VLDLR: variants seen among roughly 807,000 people sequenced by gnomAD.
VLDLR encodes the protein very low density lipoprotein receptor.
VLDLR carries 81 observed loss-of-function variants against 112.7 expected under a neutral mutation model. The observed-to-expected ratio is 0.72, with a 90% CI of 0.60 to 0.86. The LOEUF is 0.86. Ranked by LOEUF, VLDLR falls within the 40% of genes least tolerant of loss-of-function variation. VLDLR has a pLI of 0.00. For missense variants in VLDLR, 1,237 were observed against 1,099.4 expected (o/e 1.13, Z -1.77); for synonymous variants, 436 against 384.8 (o/e 1.13, Z -1.56).
At chr9:2,650,893 G>C (rs1361068251) in intron 15 of VLDLR, among the ~76,000 whole-genome samples, 1 of 152,084 alleles carries the variant, frequency 6.6e-6, no homozygotes, top group Non-Finnish European at 1.5e-5. Context: ...AGTGGGTGAC[G>C]CTACCCTAAA....
At chr9:2,646,609 C>G in intron 11 of VLDLR, 57 bp downstream of exon 11, 1 of 1,479,148 alleles carries the variant, frequency 6.8e-7, no homozygotes, top group Non-Finnish European at 9.4e-7. Context: ...AGGTCAGGAG[C>G]TTTCTCATAC....
At chr9:2,645,215 C>A in intron 9 of VLDLR, 133 bp downstream of exon 9, 1 of 1,348,682 alleles carries the variant, frequency 7.4e-7, no homozygotes, top group East Asian at 2.3e-5. Flanking sequence ...CCTCATAATA[C>A]AGCAGTATAG....
rs747654102 is a variant in VLDLR at position 2,648,347 on chromosome 9, G to C, written c.1962G>C (p.Glu654Asp). ...LAHPLALTIF[E>D]DRVYWIDGEN... is the part of the protein sequence containing the mutation. ...ATCCTCTTGCACTAACAATATTTGA[G>C]GTAAGATGTGTCTCACATCAAAGTG... Residue 654 changes from glutamate (E) to aspartate (D), a missense_variant and splice_region_variant, in exon 13 of 19, where the codon GAG becomes GAC. Transcript: ENST00000382100. 6.2e-7 allele frequency: 1 copy of C among 1,614,094 alleles called. No individual in the cohort carries two copies. The highest frequency in any genetic ancestry group is 1.1e-5 in the South Asian group (1 of 91,080).
rs1586666562 is a variant in VLDLR, at chr9:2,657,647, T to C, written c.*3779T>C. On this transcript the variant is annotated 3_prime_UTR_variant, in exon 19 of 19. Transcript: ENST00000382100. ...GCAATAGCAGCGATAGTTGCGTCAG[T>C]GCTAACTGCTGCTGCTGCCCGTTCT... 6.6e-6 allele frequency: 1 copy of C among 152,428 alleles called. No individual in the cohort carries two copies. Among genetic ancestry groups the C allele is most frequent in the Non-Finnish European group, 1.5e-5 (1 of 68,088 alleles). 9.4% of individuals were successfully genotyped at this position (152,428 alleles called of 1,614,324 possible). A position where few individuals can be genotyped will look rare whatever the true frequency, so the allele number is the denominator to read the frequency against.
At chr9:2,642,330 C>T (rs1447978527) in intron 4 of VLDLR, among the ~76,000 whole-genome samples, 3 of 152,168 alleles carry the variant, frequency 2.0e-5, no homozygotes, top group Non-Finnish European at 2.9e-5. Flanking sequence ...AAACACCAGT[C>T]TTGTGTGTAG....
intron 1 of VLDLR, among the ~76,000 whole-genome samples, chr9:2,627,955 A>G (rs1017418928): frequency 2.6e-5 from 4 of 152,178 alleles, no homozygotes; most frequent in African/African-American, 7.2e-5. Context: ...AGAGTCTTTC[A>G]AAGTATTCTA....
In VLDLR at chr9:2,644,000, GAC is replaced by G. The variant is rs1265036354; in HGVS notation, c.1066+45_1066+46del. 1.9e-6 allele frequency: 3 copies of G among 1,613,644 alleles called. No homozygotes were observed. In the African/African-American group the frequency reaches 4.0e-5, roughly 22 times the overall value. ...GTTCAAGTACAGATCCTGGAAGTTT[GAC>G]ACAATCCAGTATAGCTAACACTGTG... On this transcript the variant is annotated intron_variant, in intron 7 of 18. Transcript: ENST00000382100.
In VLDLR at chr9:2,644,824, T is replaced by C; in HGVS notation, c.1157T>C (p.Phe386Ser). 6.2e-7 allele frequency: 1 copy of C among 1,614,138 alleles called. No homozygotes were observed. The highest frequency in any genetic ancestry group is 2.2e-5 in the East Asian group (1 of 44,884). The change falls in exon 8 of 19, where the codon TTT (phenylalanine) becomes TCT (serine). Residue 386 changes from phenylalanine to serine, a missense_variant. By Grantham distance (155) the Phe-to-Ser change is radical (BLOSUM62 -2). Coordinates refer to ENST00000382100, the MANE Select transcript of VLDLR (RefSeq NM_003383.5). The stretch of plus-strand genomic sequence containing the variant: ...TACGAGTGTGACTGTGCAGCTGGGT[T>C]TGAACTGATAGATAGGAAAACCTGT... ...IGYECDCAAG[F>S]ELIDRKTCGD...
At position 2,643,536 on chromosome 9, in the gene VLDLR, G is replaced by A; in HGVS notation, c.820+5G>A. 6.2e-7 allele frequency: 1 copy of A among 1,614,226 alleles called. No homozygotes were observed. Among genetic ancestry groups the A allele is most frequent in the Non-Finnish European group, 8.5e-7 (1 of 1,180,036 alleles). On this transcript the variant is annotated splice_donor_5th_base_variant and intron_variant, in intron 5 of 18. Transcript: ENST00000382100. ...GCAGTGATGAGGTCAACTGTCGTAA[G>A]TAGCTTTCTAGCATGGCATGTTCAG...
chr9:2,628,405 G>A (rs1415480089), intron 1 of VLDLR, among the ~76,000 whole-genome samples: 12 of 152,220 alleles, frequency 7.9e-5, no homozygotes, highest in Admixed American at 7.9e-4. Context: ...AAAGCCATGG[G>A]GAAGTGAGTG....
Position 2,657,216 on chromosome 9 carries a change from C to T in VLDLR, c.*3348C>T, listed in dbSNP as rs1484237816. The stretch of plus-strand genomic sequence containing the variant: ...TTACGTAATCTAACTGGAATAATTT[C>T]CTAGAATTCTTACTAGTGAAATCTT... On this transcript the variant is annotated 3_prime_UTR_variant, in exon 19 of 19. Coordinates refer to ENST00000382100, the MANE Select transcript of VLDLR (RefSeq NM_003383.5). 6.6e-6 allele frequency: 1 copy of T among 152,072 alleles called. No homozygotes were observed. Among genetic ancestry groups the T allele is most frequent in the Non-Finnish European group, 1.5e-5 (1 of 68,002 alleles). The allele number at this position is 152,072 out of a possible 1,614,324, so 9.4% of individuals were successfully genotyped here.
chr9:2,653,223 A>G (rs1818431392), intron 18 of VLDLR, among the ~76,000 whole-genome samples: 1 of 152,344 alleles, frequency 6.6e-6, no homozygotes, highest in Admixed American at 6.5e-5. Flanking sequence ...ACTAGCATGA[A>G]CCAAGTAGCT....
At position 2,659,690 on chromosome 9, in the gene VLDLR, T is replaced by TTGTAACTCAATGATGC. The variant is rs1288474899; in HGVS notation, c.*5824_*5839dup. 6.6e-6 allele frequency: 1 copy of TTGTAACTCAATGATGC among 152,244 alleles called. No individual in the cohort carries two copies. The highest frequency in any genetic ancestry group is 2.4e-5 in the African/African-American group (1 of 41,462). The allele number at this position is 152,244 out of a possible 1,614,324, so 9.4% of individuals were successfully genotyped here. A position where few individuals can be genotyped will look rare whatever the true frequency, so the allele number is the denominator to read the frequency against. Reference sequence around the variant, plus strand: ...CCAAAAAGACAGGAAGAACTGTGGCTTGTAACTCAATGATGCTATAACTCC... The same window carrying TTGTAACTCAATGATGC: ...CCAAAAAGACAGGAAGAACTGTGGCTTGTAACTCAATGATGCTGTAACTCAATGATGCTATAACTCC... On this transcript the variant is annotated 3_prime_UTR_variant, in exon 19 of 19. Coordinates refer to ENST00000382100, the MANE Select transcript of VLDLR (RefSeq NM_003383.5).
At chr9:2,624,019 A>C (rs1405880392) in intron 1 of VLDLR, among the ~76,000 whole-genome samples, 2 of 152,206 alleles carry the variant, frequency 1.3e-5, no homozygotes, top group African/African-American at 4.8e-5. Context: ...TTATCCAGGA[A>C]GGTGAGAGAA....
chr9:2,644,028 T>G, intron 7 of VLDLR, 69 bp downstream of exon 7: 2 of 1,611,264 alleles, frequency 1.2e-6, no homozygotes, highest in African/African-American at 2.7e-5. Context: ...TAACACTGTG[T>G]GGACCCCCCG....
Position 2,646,495 on chromosome 9 carries a change from T to A in VLDLR, c.1646T>A (p.Phe549Tyr), listed in dbSNP as rs370936675. 1.9e-5 allele frequency: 30 copies of A among 1,614,008 alleles called. No individual in the cohort carries two copies. In the African/African-American group the frequency reaches 3.1e-4, roughly 17 times the overall value. ...ACCCTAGATGGAACCAAGAGGAAGT[T>A]CCTGTTTAACTCTGACTTGCGAGAG... ...VATLDGTKRK[F>Y]LFNSDLREPA... The change falls in exon 11 of 19, where the codon TTC (phenylalanine) becomes TAC (tyrosine). Residue 549 changes from phenylalanine to tyrosine, a missense_variant. Phe to Tyr is a conservative substitution (Grantham distance 22). Coordinates refer to ENST00000382100, the MANE Select transcript of VLDLR (RefSeq NM_003383.5).
At chr9:2,629,458 C>T (rs1037172935) in intron 1 of VLDLR, among the ~76,000 whole-genome samples, 1 of 152,208 alleles carries the variant, frequency 6.6e-6, no homozygotes, top group Non-Finnish European at 1.5e-5. Context: ...GAGCCAGTGC[C>T]TGGGTTCAAC....
At chr9:2,631,202 A>C (rs1202880126) in intron 1 of VLDLR, among the ~76,000 whole-genome samples, 1 of 152,238 alleles carries the variant, frequency 6.6e-6, no homozygotes, top group Admixed American at 6.5e-5. Context: ...GGGAAGTCTT[A>C]TACACTGCTG....
rs1219798006 is a variant in VLDLR, at chr9:2,645,565, A to G, written c.1313-9A>G. The G allele has an allele frequency of 2.5e-6, 4 of 1,614,120 alleles. No individual in the cohort carries two copies. The highest frequency in any genetic ancestry group is 3.4e-6 in the Non-Finnish European group (4 of 1,180,044). On this transcript the variant is annotated splice_polypyrimidine_tract_variant and intron_variant, in intron 9 of 18. Coordinates refer to ENST00000382100, the MANE Select transcript of VLDLR (RefSeq NM_003383.5). Reference sequence around the variant, plus strand: ...GCAAAACTAAGTAACCCAGACTTCCATCTTGCAGGCAAAGAGCCAAGTCTG... The same window carrying G: ...GCAAAACTAAGTAACCCAGACTTCCGTCTTGCAGGCAAAGAGCCAAGTCTG...
Sources: gnomAD v4.1 joint callset for allele counts (sites outside exome capture counted in the v4.1 genomes callset) on GRCh38, gnomAD v4.1.1 for gene constraint, MANE v1.5 for transcripts, NCBI Gene and HGNC (gene_info 2026-07-23, HGNC 2026-07-21) for gene names.